The following SUPT7L variants were observed in gnomAD, a reference collection of about 807,000 sequenced individuals.
SUPT7L encodes STAGA complex 65 subunit gamma.
A neutral mutation model predicts 35.7 loss-of-function variants in SUPT7L; 15 were observed. The ratio of observed to expected loss-of-function variants is 0.42; its 90% confidence interval spans 0.28 to 0.65. The LOEUF is 0.65. Ranked by LOEUF, SUPT7L falls within the 30% of genes least tolerant of loss-of-function variation. The probability of loss-of-function intolerance (pLI) is 0.23; values close to 1 mark genes in which losing one functional copy is unlikely to be tolerated. For synonymous variants in SUPT7L, 168 were observed against 186.2 expected, an observed-to-expected ratio of 0.90 and a Z score of 0.79; for missense variants, 434 against 522.2, an observed-to-expected ratio of 0.83 and a Z score of 1.65.
At chr2:27,656,972 G>A (rs566713237) in intron 4 of SUPT7L, among the ~76,000 whole-genome samples, 3 of 152,274 alleles carry the variant, frequency 2.0e-5, no homozygotes, top group African/African-American at 7.2e-5. Context: ...TTATTGACTT[G>A]TGTTTGTCTC....
chr2:27,659,727 T>C (rs1674961952), intron 3 of SUPT7L, among the ~76,000 whole-genome samples: 1 of 152,110 alleles, frequency 6.6e-6, no homozygotes, highest in African/African-American at 2.4e-5. Context: ...AGGGGTGAAA[T>C]ATGGTGATGT....
At chr2:27,642,779 G>A in the SUPT7L span, among the ~76,000 whole-genome samples, 1 of 151,808 alleles carries the variant, frequency 6.6e-6, no homozygotes, top group Admixed American at 6.6e-5. Context: ...TGGTCAGGCT[G>A]GTCTCGAACT....
Position 27,655,570 on chromosome 2 carries a change from C to G in SUPT7L, c.777G>C (p.Arg259Ser). The G allele has an allele frequency of 6.2e-7, 1 of 1,607,140 alleles. No individual in the cohort carries two copies. Among genetic ancestry groups the G allele is most frequent in the Non-Finnish European group, 8.5e-7 (1 of 1,177,698 alleles). The change falls in exon 5 of 6, where the codon AGG becomes AGC. Residue 259 changes from arginine to serine, a missense_variant. Physicochemically the swap from Arg to Ser is moderately radical, Grantham distance 110 (BLOSUM62 -1). This residue lies in a region of SUPT7L where 159 missense variants were observed against 217.1 expected (regional missense o/e 0.73). Coordinates refer to ENST00000337768, the MANE Select transcript of SUPT7L (RefSeq NM_014860.3). Reference protein sequence around the residue: ...ISKQLSEEYERIVNPEKATED... With the variant: ...ISKQLSEEYESIVNPEKATED... ...CTGTGGCCTTCTCAGGATTGACAAT[C>G]CTTTCATATTCTTCAGAGAGTTGCT...
rs1181920219 is a variant in SUPT7L, at chr2:27,657,538, T to A, written c.551A>T (p.Asp184Val). 6.2e-7 allele frequency: 1 copy of A among 1,614,102 alleles called. No homozygotes were observed. The highest frequency in any genetic ancestry group is 1.3e-5 in the African/African-American group (1 of 74,946). ...ANESVLETLT[D>V]VAHEYCLKFT... is the part of the protein sequence containing the mutation. ...CTTAAGGCAATACTCATGTGCCACA[T>A]CAGTTAGGGTCTCCAGGACACTCTC... Residue 184 changes from aspartate to valine, a missense_variant, in exon 4 of 6, where the codon GAT becomes GTT. Transcript: ENST00000337768. This position sits in a 1 kb window ranked among gnomAD's most constrained non-coding sequence, Gnocchi z 5.2.
rs956176082 is a variant in SUPT7L, at chr2:27,651,441, C to T, written c.*2044G>A. 1.5e-4 allele frequency: 23 copies of T among 152,372 alleles called. No homozygotes were observed. Among genetic ancestry groups the T allele is most frequent in the Admixed American group, 8.5e-4 (13 of 15,284 alleles). The allele number at this position is 152,372 out of a possible 1,614,324, so 9.4% of individuals were successfully genotyped here. A position where few individuals can be genotyped will look rare whatever the true frequency, so the allele number is the denominator to read the frequency against. On this transcript the variant is annotated 3_prime_UTR_variant, in exon 6 of 6. Transcript: ENST00000337768. ...ATCATTTGCCTTCTCATATTTCCCT[C>T]GTCTTGACCATCTGGTGCCTGTTAT...
intron 3 of SUPT7L, 40 bp downstream of exon 3, chr2:27,660,944 T>G: frequency 6.3e-7 from 1 of 1,578,374 alleles, no homozygotes; most frequent in South Asian, 1.2e-5. Context: ...GTTGGGAAGA[T>G]GACTTGAGAA....
At chr2:27,660,464 T>C (rs1376169391) in intron 3 of SUPT7L, among the ~76,000 whole-genome samples, 1 of 152,180 alleles carries the variant, frequency 6.6e-6, no homozygotes, top group Admixed American at 6.5e-5. Flanking sequence ...CCTCAAGTGA[T>C]CCACCCACCG....
Position 27,661,961 on chromosome 2 carries a change from G to A in SUPT7L, c.14+218C>T, listed in dbSNP as rs140472508. 6 of 636,360 alleles carry A rather than the reference G, an allele frequency of 9.4e-6. No homozygotes were observed. In the East Asian group the frequency reaches 1.8e-4, roughly 19 times the overall value. 39.4% of individuals were successfully genotyped at this position (636,360 alleles called of 1,614,324 possible). On this transcript the variant is annotated intron_variant, in intron 2 of 5. Coordinates refer to ENST00000337768, the MANE Select transcript of SUPT7L (RefSeq NM_014860.3). ...GAACCATTAATCTAAATGGCATTAT[G>A]CTTTCAACTTTTGACATATAGAACG...
intron 2 of SUPT7L, 142 bp from the exon 3 acceptor site, chr2:27,661,530 A>C: frequency 6.9e-7 from 1 of 1,458,148 alleles, no homozygotes. Flanking sequence ...TATTTATGTA[A>C]AAAGTAGGCT....
At chr2:27,644,673 GATTT>G in the SUPT7L span, among the ~76,000 whole-genome samples, 12 of 137,512 alleles carry the variant, frequency 8.7e-5, no homozygotes, top group Non-Finnish European at 4.7e-5. Flanking sequence ...GTATCTGTAT[GATTT>G]ATTTAAAAGT....
chr2:27,642,730 A>G, the SUPT7L span, among the ~76,000 whole-genome samples: 2 of 151,720 alleles, frequency 1.3e-5, no homozygotes, highest in Admixed American at 6.6e-5. Flanking sequence ...ACACCCGGCT[A>G]ATTTTGTATT....
downstream of SUPT7L, chr2:27,650,028 G>C: frequency 1.3e-6 from 1 of 768,684 alleles, no homozygotes; most frequent in South Asian, 1.4e-5. Context: ...TAGAAGTAAT[G>C]TACTGTTTTC....
chr2:27,655,670 G>A (rs1346296355), intron 4 of SUPT7L, 68 bp from the exon 5 acceptor site: 17 of 1,347,590 alleles, frequency 1.3e-5, no homozygotes, highest in Admixed American at 7.0e-5. Context: ...AGCTTGTGAC[G>A]TCCCATGGAA....
chr2:27,656,921 G>A (rs377286385), intron 4 of SUPT7L, among the ~76,000 whole-genome samples: 1 of 152,214 alleles, frequency 6.6e-6, no homozygotes. Flanking sequence ...TTACAGGCAT[G>A]TGCCATCATG....
intron 3 of SUPT7L, among the ~76,000 whole-genome samples, chr2:27,659,894 T>C (rs970669434): frequency 6.6e-6 from 1 of 152,266 alleles, no homozygotes; most frequent in East Asian, 1.9e-4. Context: ...GTGAAGGTAT[T>C]TGGATGTTTG....
the SUPT7L span, among the ~76,000 whole-genome samples, chr2:27,644,246 G>T: frequency 6.6e-6 from 1 of 152,092 alleles, no homozygotes; most frequent in Non-Finnish European, 1.5e-5. Context: ...TAAGAATTTT[G>T]TGGGGTGATG....
In SUPT7L at chr2:27,653,454, G is replaced by A; in HGVS notation, c.*31C>T. The A allele has an allele frequency of 6.2e-7, 1 of 1,604,938 alleles. No homozygotes were observed. Among genetic ancestry groups the A allele is most frequent in the Non-Finnish European group, 8.5e-7 (1 of 1,176,070 alleles). ...AAAACCTTTTCTGTTGGGTCTAGTA[G>A]GTCTGGACAAAACATCTCCCTCTTT... is the stretch of plus-strand genomic sequence containing the variant. On this transcript the variant is annotated 3_prime_UTR_variant, in exon 6 of 6. Coordinates refer to ENST00000337768, the MANE Select transcript of SUPT7L (RefSeq NM_014860.3).
intron 3 of SUPT7L, among the ~76,000 whole-genome samples, chr2:27,658,632 G>A (rs1674908391): frequency 6.6e-6 from 1 of 152,150 alleles, no homozygotes; most frequent in South Asian, 2.1e-4. Context: ...GTGTCATCAC[G>A]CACTGTACAA....
Position 27,655,410 on chromosome 2 carries a change from G to A in SUPT7L, c.937C>T (p.Arg313Cys), listed in dbSNP as rs749994177. 1.3e-5 allele frequency: 21 copies of A among 1,608,656 alleles called. No homozygotes were observed. Among genetic ancestry groups the A allele is most frequent in the African/African-American group, 4.0e-5 (3 of 74,622 alleles). ...PMGVLGAQSE[R>C]FPSNLEVEAS... is the part of the protein sequence containing the mutation. ...TCAACCTCCAGGTTAGATGGGAAGC[G>A]TTCGCTCTGAGCCCCAAGCACTCCC... The change falls in exon 5 of 6, where the codon CGC becomes TGC. Residue 313 changes from arginine to cysteine, a missense_variant. Physicochemically the swap from Arg to Cys is radical, Grantham distance 180. Transcript: ENST00000337768.
Sources: allele counts gnomAD v4.1 joint callset (sites outside exome capture counted in the v4.1 genomes callset), GRCh38; gene constraint gnomAD v4.1.1; regional missense constraint gnomAD v4.1.1; non-coding constraint Gnocchi (gnomAD v3.1); transcripts MANE v1.5; gene names NCBI Gene and HGNC (gene_info 2026-07-23, HGNC 2026-07-21).